DUS4L: variants seen among roughly 807,000 people sequenced by gnomAD.
DUS4L encodes the protein dihydrouridine synthase 4 like, also known as tRNA-dihydrouridine(20a/20b) synthase [NAD(P)+]-like.
Under a neutral mutation model 33.8 loss-of-function variants are expected in DUS4L, and 31 were observed. That is an observed-to-expected ratio of 0.92 (90% CI 0.69 to 1.24). The LOEUF (loss-of-function observed/expected upper bound fraction) is 1.24. Among genes scored for constraint, DUS4L ranks in the 50% most tolerant of loss-of-function variants. The probability of loss-of-function intolerance (pLI) is 0.00; values close to 1 mark genes in which losing one functional copy is unlikely to be tolerated. For missense variants in DUS4L, 368 were observed against 388.6 expected (o/e 0.95, Z 0.45); for synonymous variants, 103 against 120.3 (o/e 0.86, Z 0.94).
intron 2 of DUS4L, among the ~76,000 whole-genome samples, chr7:107,566,543 G>A (rs1363971546): frequency 6.6e-6 from 1 of 152,042 alleles, no homozygotes; most frequent in Non-Finnish European, 1.5e-5. Flanking sequence ...TTTATCTTCT[G>A]ATTCACAGAC....
At chr7:107,576,671 ATTTGT>A (rs1805786776) in intron 7 of DUS4L, 79 bp downstream of exon 7, 1 of 1,339,992 alleles carries the variant, frequency 7.5e-7, no homozygotes, top group Non-Finnish European at 1.0e-6. Context: ...TTTGATTTTC[ATTTGT>A]TTTGTTTAAC....
Position 107,573,748 on chromosome 7 carries a change from CTT to C in DUS4L, c.286_287del (p.Leu96IlefsTer2). On this transcript the variant is annotated frameshift_variant, in exon 5 of 8. Coordinates refer to ENST00000265720, the MANE Select transcript of DUS4L (RefSeq NM_181581.3). LOFTEE classifies it high-confidence loss of function. The stretch of plus-strand genomic sequence containing the variant: ...TCAGTTTGCTGCTAACGATGCAAGA[CTT>C]TTATCTGATGCTGCTCGTATAGTCT... ...IVQFAANDAR[L>X]LSDAARIVCP... is the part of the protein sequence containing the mutation. The C allele has an allele frequency of 1.2e-6, 2 of 1,611,252 alleles. No individual in the cohort carries two copies. Among genetic ancestry groups the C allele is most frequent in the Non-Finnish European group, 8.5e-7 (1 of 1,178,858 alleles).
chr7:107,572,092 C>A (rs1157739173), intron 4 of DUS4L, among the ~76,000 whole-genome samples: 1 of 151,676 alleles, frequency 6.6e-6, no homozygotes, highest in Non-Finnish European at 1.5e-5. Flanking sequence ...CACTTAATCA[C>A]TTAATTCTAC....
intron 6 of DUS4L, 113 bp downstream of exon 6, chr7:107,575,423 G>A (rs554354848): frequency 3.2e-5 from 38 of 1,171,738 alleles, no homozygotes; most frequent in Admixed American, 1.1e-4. Flanking sequence ...ATTGGTAGCT[G>A]GTGTATGGAA....
In DUS4L at chr7:107,564,106, G is replaced by T; in HGVS notation, c.-214G>T. The T allele has an allele frequency of 8.4e-7, 1 of 1,190,072 alleles. No individual in the cohort carries two copies. The highest frequency in any genetic ancestry group is 1.2e-6 in the Non-Finnish European group (1 of 842,324). The allele number at this position is 1,190,072 out of a possible 1,614,324, so 73.7% of individuals were successfully genotyped here. A position where few individuals can be genotyped will look rare whatever the true frequency, so the allele number is the denominator to read the frequency against. On this transcript the variant is annotated 5_prime_UTR_variant, in exon 1 of 8. Transcript: ENST00000265720. ...AGGGTCCGAGTGCTCTGCGCCCAGC[G>T]CACCGAGGGAGCCAAGGCCGTCGGG...
chr7:107,570,980 A>G (rs946455999), intron 3 of DUS4L, 165 bp from the exon 4 acceptor site: 30 of 873,110 alleles, frequency 3.4e-5, no homozygotes, highest in Non-Finnish European at 4.2e-5. Flanking sequence ...TTTGTTTTAT[A>G]TATAATATCC....
intron 5 of DUS4L, among the ~76,000 whole-genome samples, chr7:107,574,731 G>A (rs984270054): frequency 3.3e-5 from 5 of 152,160 alleles, no homozygotes; most frequent in South Asian, 2.1e-4. Context: ...TAAGTATAGC[G>A]TAATCGAAAT....
chr7:107,564,170 G>C lies in DUS4L; in HGVS notation c.-150G>C, dbSNP rs1804313024. On this transcript the variant is annotated 5_prime_UTR_variant, in exon 1 of 8. Transcript: ENST00000265720. ...CTGTCTCTCGCAGCAGCTCAGGGCCGCGCCCCCTGGGCTGGCGTCGTGCCC... is the reference window on the plus strand; with the variant it reads ...CTGTCTCTCGCAGCAGCTCAGGGCCCCGCCCCCTGGGCTGGCGTCGTGCCC... The C allele has an allele frequency of 1.5e-6, 1 of 647,590 alleles. No individual in the cohort carries two copies. Among genetic ancestry groups the C allele is most frequent in the South Asian group, 1.9e-5 (1 of 51,680 alleles). 40.1% of individuals were successfully genotyped at this position (647,590 alleles called of 1,614,324 possible). A position where few individuals can be genotyped will look rare whatever the true frequency, so the allele number is the denominator to read the frequency against.
intron 2 of DUS4L, among the ~76,000 whole-genome samples, chr7:107,566,704 A>T (rs1042420455): frequency 1.3e-5 from 2 of 152,160 alleles, no homozygotes; most frequent in African/African-American, 4.8e-5. Context: ...AAATAATTCA[A>T]ACCAAATTTC....
chr7:107,574,011 A>G (rs1805504104), intron 5 of DUS4L, 190 bp downstream of exon 5: 1 of 812,548 alleles, frequency 1.2e-6, no homozygotes, highest in Non-Finnish European at 1.7e-6. Context: ...GTCTTTTCTG[A>G]TGACTGAAAT....
chr7:107,563,985 C>T lies in DUS4L; in HGVS notation c.-335C>T. ...ATCCCGGCGCCGCCCGCCCACCCAG[C>T]CCATGGCTCCAGGCCCACCTGGCGA... On this transcript the variant is annotated 5_prime_UTR_variant, in exon 1 of 8. Coordinates refer to ENST00000265720, the MANE Select transcript of DUS4L (RefSeq NM_181581.3). 1.3e-6 allele frequency: 2 copies of T among 1,568,962 alleles called. No homozygotes were observed. The highest frequency in any genetic ancestry group is 1.7e-6 in the Non-Finnish European group (2 of 1,159,664).
At chr7:107,574,169 A>G (rs1805517814) in intron 5 of DUS4L, among the ~76,000 whole-genome samples, 1 of 152,146 alleles carries the variant, frequency 6.6e-6, no homozygotes, top group African/African-American at 2.4e-5. Context: ...CATGTCAGAT[A>G]TACTTGCTCT....
chr7:107,571,618 A>G (rs147461469), intron 4 of DUS4L, among the ~76,000 whole-genome samples: 2 of 152,330 alleles, frequency 1.3e-5, no homozygotes, highest in Non-Finnish European at 2.9e-5. Context: ...TGTGATCCCC[A>G]GACCAGCAGC....
At chr7:107,571,319 A>G (rs1805213154) in intron 4 of DUS4L, 53 bp downstream of exon 4, 6 of 1,569,750 alleles carry the variant, frequency 3.8e-6, no homozygotes, top group East Asian at 4.5e-5. Flanking sequence ...TTTGTTTACA[A>G]ACTCAACTAT....
intron 4 of DUS4L, 91 bp from the exon 5 acceptor site, chr7:107,573,613 T>C: frequency 8.0e-7 from 1 of 1,245,720 alleles, no homozygotes; most frequent in East Asian, 2.8e-5. Flanking sequence ...TCGTTATTGC[T>C]ATTTTATCCT....
intron 7 of DUS4L, 163 bp downstream of exon 7, chr7:107,576,755 A>G (rs1805793625): frequency 3.2e-6 from 2 of 624,502 alleles, no homozygotes; most frequent in East Asian, 6.3e-5. Context: ...TAAGTTTTCT[A>G]CCTAGAAAAA....
Position 107,577,412 on chromosome 7 carries a change from T to C in DUS4L, c.806T>C (p.Leu269Pro). 1 of 1,614,144 alleles carries C rather than the reference T, an allele frequency of 6.2e-7. No homozygotes were observed. The highest frequency in any genetic ancestry group is 1.3e-5 in the African/African-American group (1 of 75,038). ...ATCTGGGACTGGGTTGACATTGCTC[T>C]TGAACTCGGGACTCCTTACATGTGT... ...KCIWDWVDIA[L>P]ELGTPYMCFH... The change falls in exon 8 of 8, where the codon CTT (leucine) becomes CCT (proline). Residue 269 changes from leucine (L) to proline (P), a missense_variant. Physicochemically the swap from Leu to Pro is moderately conservative, Grantham distance 98. Transcript: ENST00000265720.
At chr7:107,564,831 CTT>C (rs1466634128) in intron 2 of DUS4L, among the ~76,000 whole-genome samples, 155 bp downstream of exon 2, 1 of 152,190 alleles carries the variant, frequency 6.6e-6, no homozygotes, top group African/African-American at 2.4e-5. Context: ...TGGAAGATGA[CTT>C]TTTCATTTTG....
intron 4 of DUS4L, 49 bp downstream of exon 4, chr7:107,571,315 T>C: frequency 6.4e-7 from 1 of 1,572,962 alleles, no homozygotes; most frequent in Non-Finnish European, 8.6e-7. Flanking sequence ...TAAATTTGTT[T>C]ACAAACTCAA....
Sources: allele counts gnomAD v4.1 joint callset (sites outside exome capture counted in the v4.1 genomes callset), GRCh38; gene constraint gnomAD v4.1.1; transcripts MANE v1.5; gene names NCBI Gene and HGNC (gene_info 2026-07-23, HGNC 2026-07-21).